ANK2: variants seen among roughly 807,000 people sequenced by gnomAD.
The protein encoded by ANK2 is ankyrin 2, also known as ankyrin-2.
ANK2 carries 83 observed loss-of-function variants against 360.5 expected under a neutral mutation model. The observed-to-expected ratio is 0.23, with a 90% CI of 0.19 to 0.28. ANK2 has a LOEUF of 0.28. ANK2 is among the 10% of genes least tolerant of loss of function. The pLI is 1.00. For synonymous variants in ANK2, 1,740 were observed against 1,759.5 expected (o/e 0.99, Z 0.28); for missense variants, 4,201 against 4,795.7 (o/e 0.88, Z 3.66).
In ANK2 at chr4:113,144,419, T is replaced by A. The variant is rs190270725; in HGVS notation, c.85-29997T>A. On this transcript the variant is annotated intron_variant, in intron 1 of 45. Transcript: ENST00000357077. ...TCAGGAATGTTATTTTTAATTTTTT[T>A]AAAAAAAATAATGGCAAATGGTTTT... 0.011 allele frequency among the ~76,000 whole-genome samples: 1,605 copies of A among 151,528 alleles called. 64 individuals carry two copies. The East Asian group carries it at 0.12, about 11-fold the overall frequency.
chr4:113,361,053 C>A (rs1261151610), intron 39 of ANK2, among the ~76,000 whole-genome samples, 156 bp downstream of exon 39: 1 of 152,148 alleles, frequency 6.6e-6, no homozygotes, highest in Non-Finnish European at 1.5e-5. Context: ...TCTGCATCAG[C>A]TAATGGTATA....
chr4:113,091,996 G>T (rs653664), intron 1 of ANK2, among the ~76,000 whole-genome samples: 2,685 of 152,250 alleles, frequency 0.018, 72 homozygotes, highest in African/African-American at 0.062. Context: ...CATATGTATT[G>T]TAATAACAGA....
the ANK2 span, chr4:112,797,722 A>C: frequency 5.6e-6 from 1 of 177,546 alleles, no homozygotes; most frequent in Non-Finnish European, 1.2e-5. Context: ...GAGGTACTGA[A>C]ATTTTCCTTG....
chr4:113,207,843 G>T (rs920511839), intron 4 of ANK2, among the ~76,000 whole-genome samples: 7 of 152,204 alleles, frequency 4.6e-5, no homozygotes, highest in Admixed American at 2.0e-4. Context: ...CTACAATGAT[G>T]AGGTGGGCAG....
intron 9 of ANK2, among the ~76,000 whole-genome samples, chr4:113,247,712 C>G (rs2043799755): frequency 6.6e-6 from 1 of 152,204 alleles, no homozygotes; most frequent in African/African-American, 2.4e-5. Context: ...TAGAGAGATT[C>G]ATCCATGGTG....
At chr4:113,222,933 T>A (rs536148529) in intron 4 of ANK2, among the ~76,000 whole-genome samples, 12 of 152,334 alleles carry the variant, frequency 7.9e-5, no homozygotes, top group African/African-American at 2.9e-4. Context: ...GATGCCTTCT[T>A]AACTATTAAT....
intron 1 of ANK2, among the ~76,000 whole-genome samples, chr4:112,902,183 T>A (rs560008729): frequency 6.6e-6 from 1 of 152,326 alleles, no homozygotes; most frequent in South Asian, 2.1e-4. Context: ...TGGAGCTGAG[T>A]ATTCAAAGGC....
Position 113,255,880 on chromosome 4 carries a change from G to A in ANK2, c.1136G>A (p.Arg379His), listed in dbSNP as rs186264035. 39 of 1,614,122 alleles carry A rather than the reference G, an allele frequency of 2.4e-5. No individual in the cohort carries two copies. The highest frequency in any genetic ancestry group is 1.6e-4 in the East Asian group (7 of 44,884). ...LHVAAHCGHY[R>H]VTKLLLDKRA... ...GTTGCTGCGCACTGTGGCCACTACC[G>A]TGTAACCAAACTCCTTTTAGACAAG... is the stretch of plus-strand genomic sequence containing the variant. Residue 379 changes from arginine (R) to histidine (H), a missense_variant, in exon 11 of 46, where the codon CGT becomes CAT. By Grantham distance (29) the Arg-to-His change is conservative (BLOSUM62 0). This residue lies in a region of ANK2 where 1,268 missense variants were observed against 1,650.8 expected (regional missense o/e 0.77). Transcript: ENST00000357077.
intron 40 of ANK2, among the ~76,000 whole-genome samples, chr4:113,364,800 G>C (rs1381532727): frequency 6.6e-6 from 1 of 152,128 alleles, no homozygotes; most frequent in East Asian, 1.9e-4. Flanking sequence ...TGAAATTCAG[G>C]TATGGTGGGT....
At position 113,184,843 on chromosome 4, in the gene ANK2, T is replaced by C. The variant is rs540514651; in HGVS notation, c.186+10326T>C. Among the ~76,000 whole-genome samples the C allele has an allele frequency of 2.8e-4, 42 of 152,256 alleles. No homozygotes were observed. The South Asian group carries it at 5.4e-3, about 20-fold the overall frequency. On this transcript the variant is annotated intron_variant, in intron 2 of 45. Transcript: ENST00000357077. Reference sequence around the variant, plus strand: ...CATCTACATTAGGTATTTCTCCTAATGCTGTCCCTCCCCTAGCCTCCCACT... The same window carrying C: ...CATCTACATTAGGTATTTCTCCTAACGCTGTCCCTCCCCTAGCCTCCCACT...
At chr4:113,123,093 G>A (rs1394636836) in intron 1 of ANK2, among the ~76,000 whole-genome samples, 2 of 151,598 alleles carry the variant, frequency 1.3e-5, no homozygotes, top group Non-Finnish European at 2.9e-5. Flanking sequence ...ATTGAAAAAA[G>A]CTACTATGAG....
chr4:113,085,757 G>GC (rs2084416712), intron 1 of ANK2, among the ~76,000 whole-genome samples: 1 of 152,190 alleles, frequency 6.6e-6, no homozygotes, highest in Non-Finnish European at 1.5e-5. Flanking sequence ...GGGAACACAT[G>GC]CCAGCAAAGA....
intron 4 of ANK2, among the ~76,000 whole-genome samples, chr4:113,229,898 C>T (rs1046661177): frequency 5.9e-5 from 9 of 152,174 alleles, no homozygotes; most frequent in Admixed American, 2.0e-4. Context: ...AGCATGTTAG[C>T]AAATTGTTTT....
intron 1 of ANK2, among the ~76,000 whole-genome samples, chr4:112,902,627 A>G (rs2083803431): frequency 6.6e-6 from 1 of 152,238 alleles, no homozygotes. Context: ...CTGAATTTGT[A>G]CTAAGACACA....
At chr4:113,058,462 G>T (rs1028103165) in intron 1 of ANK2, among the ~76,000 whole-genome samples, 1 of 152,024 alleles carries the variant, frequency 6.6e-6, no homozygotes. Flanking sequence ...TAGGTGGGAG[G>T]TATTCTAGTT....
chr4:112,879,146 A>G (rs1001870466), intron 1 of ANK2, among the ~76,000 whole-genome samples: 2 of 152,162 alleles, frequency 1.3e-5, no homozygotes, highest in African/African-American at 4.8e-5. Context: ...AAAACTAGGG[A>G]TGGGTTGGAG....
intron 2 of ANK2, among the ~76,000 whole-genome samples, chr4:113,015,961 A>G (rs2154294867): frequency 6.6e-6 from 1 of 152,342 alleles, no homozygotes; most frequent in Middle Eastern, 3.4e-3. Flanking sequence ...ACTTTTTCAG[A>G]AAGAAAGATG....
chr4:112,717,799 A>G, the ANK2 span, among the ~76,000 whole-genome samples: 1 of 151,974 alleles, frequency 6.6e-6, no homozygotes, highest in African/African-American at 2.4e-5. Flanking sequence ...AAATATTTAT[A>G]AATATAAAAA....
At chr4:113,223,370 A>G (rs2099172795) in intron 4 of ANK2, among the ~76,000 whole-genome samples, 1 of 152,186 alleles carries the variant, frequency 6.6e-6, no homozygotes, top group Non-Finnish European at 1.5e-5. Flanking sequence ...GAGGAAGTCT[A>G]CTTACAAAAT....
Sources: allele counts gnomAD v4.1 joint callset (sites outside exome capture counted in the v4.1 genomes callset), GRCh38; gene constraint gnomAD v4.1.1; regional missense constraint gnomAD v4.1.1; transcripts MANE v1.5; gene names NCBI Gene and HGNC (gene_info 2026-07-23, HGNC 2026-07-21).